The following CTNNAL1 variants were observed in gnomAD, a reference collection of about 807,000 sequenced individuals.
The protein encoded by CTNNAL1 is alpha-catulin.
CTNNAL1 carries 69 observed loss-of-function variants against 93.6 expected under a neutral mutation model. The observed-to-expected ratio is 0.74, with a 90% CI of 0.61 to 0.90. CTNNAL1 has a LOEUF of 0.90. Among genes scored for constraint, CTNNAL1 ranks in the 40% least tolerant of loss-of-function variants. The pLI, the probability that CTNNAL1 is intolerant of heterozygous loss-of-function variation, is 0.00. For synonymous variants in CTNNAL1, 286 were observed against 305.4 expected (o/e 0.94, Z 0.66); for missense variants, 836 against 862.0 (o/e 0.97, Z 0.38).
chr9:108,983,777 C>A (rs1332433930), intron 5 of CTNNAL1, among the ~76,000 whole-genome samples: 1 of 152,190 alleles, frequency 6.6e-6, no homozygotes, highest in Non-Finnish European at 1.5e-5. Context: ...TGTGGCTTCA[C>A]TGATTCTAGC....
chr9:108,991,619 G>A (rs1358069027), intron 3 of CTNNAL1, among the ~76,000 whole-genome samples: 1 of 152,030 alleles, frequency 6.6e-6, no homozygotes, highest in African/African-American at 2.4e-5. Flanking sequence ...AATCTGCCCT[G>A]GCAGCTCAGG....
At chr9:108,955,694 A>T in intron 12 of CTNNAL1, 96 bp downstream of exon 12, 1 of 1,074,994 alleles carries the variant, frequency 9.3e-7, no homozygotes. Flanking sequence ...TGTCATGTCA[A>T]TTATTTGTGG....
intron 8 of CTNNAL1, 31 bp from the exon 9 acceptor site, chr9:108,972,864 G>GGGGGGGGGGGGGGGGGGGGGGCCCCCCCC: frequency 7.0e-6 from 1 of 142,586 alleles, no homozygotes; most frequent in Non-Finnish European, 1.0e-5. Flanking sequence ...GGGGGGGTGG[G>GGGGGGGGGGGGGGGGGGGGGGCCCCCCCC]AGGGTGGAGA....
chr9:108,979,047 T>C (rs1404097192), intron 7 of CTNNAL1, among the ~76,000 whole-genome samples: 1 of 152,132 alleles, frequency 6.6e-6, no homozygotes, highest in Non-Finnish European at 1.5e-5. Context: ...CAGAGGCATA[T>C]AATTGAGACT....
intron 11 of CTNNAL1, among the ~76,000 whole-genome samples, chr9:108,960,704 G>A (rs1004781891): frequency 3.3e-5 from 5 of 152,172 alleles, no homozygotes; most frequent in East Asian, 3.9e-4. Flanking sequence ...GATAGAGACC[G>A]CAAGCTCTGA....
In CTNNAL1 at chr9:108,948,228, C is replaced by T. The variant is rs547732507; in HGVS notation, c.1842G>A (p.Glu614=). The T allele has an allele frequency of 2.3e-5, 37 of 1,611,324 alleles. 2 individuals are homozygous for T. The South Asian group carries it at 3.8e-4, about 16-fold the overall frequency. ...AATCCTGGGAAGTTTTCAGTGGCCC[C>T]TCTCCTCTAAAATAAAATTAATTGT... ...AYSLYLFTRG[E]GPLKTSQDLI... The change falls in exon 15 of 19, where the codon GAG becomes GAA. Residue 614 remains glutamate, a synonymous_variant. Transcript: ENST00000325551.
intron 1 of CTNNAL1, among the ~76,000 whole-genome samples, chr9:108,999,860 T>C (rs183948946): frequency 8.5e-5 from 13 of 152,264 alleles, no homozygotes; most frequent in African/African-American, 3.1e-4. Context: ...TGAAATAAAA[T>C]ACAAAAGGTG....
chr9:108,983,167 A>G lies in CTNNAL1; in HGVS notation c.878T>C (p.Phe293Ser), dbSNP rs1319293001. The change falls in exon 6 of 19, where the codon TTT (phenylalanine) becomes TCT (serine). Residue 293 changes from phenylalanine (F) to serine (S), a missense_variant. Physicochemically the swap from Phe to Ser is radical, Grantham distance 155 (BLOSUM62 -2). Transcript: ENST00000325551. ...GETDISSISI[F>S]TGIKEFKMNI... Reference sequence around the variant, plus strand: ...TACCTTGAATTCCTTAATTCCAGTAAAAATACTGATAGATGAAATGTCAGT... The same window carrying G: ...TACCTTGAATTCCTTAATTCCAGTAGAAATACTGATAGATGAAATGTCAGT... 2 of 1,554,846 alleles carry G rather than the reference A, an allele frequency of 1.3e-6. No homozygotes were observed. Among genetic ancestry groups the G allele is most frequent in the Non-Finnish European group, 1.7e-6 (2 of 1,152,428 alleles).
At chr9:108,956,917 CACTT>C (rs938987961) in intron 11 of CTNNAL1, among the ~76,000 whole-genome samples, 3 of 151,556 alleles carry the variant, frequency 2.0e-5, no homozygotes, top group Admixed American at 6.6e-5. Flanking sequence ...GTGTATTAAA[CACTT>C]ACAAGTGTTT....
At chr9:108,959,526 A>G (rs1212474721) in intron 11 of CTNNAL1, among the ~76,000 whole-genome samples, 1 of 151,538 alleles carries the variant, frequency 6.6e-6, no homozygotes, top group Non-Finnish European at 1.5e-5. Context: ...GCAGTAAGCT[A>G]TGATCACACC....
At chr9:108,984,547 TGAA>T in intron 4 of CTNNAL1, 111 bp from the exon 5 acceptor site, 1 of 435,144 alleles carries the variant, frequency 2.3e-6, no homozygotes, top group South Asian at 4.9e-5. Context: ...CATTGTTAAG[TGAA>T]AAAAAAAAAA....
chr9:108,997,649 C>T (rs574206584), intron 2 of CTNNAL1, among the ~76,000 whole-genome samples: 1 of 152,148 alleles, frequency 6.6e-6, no homozygotes, highest in African/African-American at 2.4e-5. Context: ...CCTGCTCCTC[C>T]CTCAGAGTTC....
chr9:108,952,304 G>T lies in CTNNAL1; in HGVS notation c.1740C>A (p.Asp580Glu). Reference sequence around the variant, plus strand: ...GATCTTCCCACTTCTCAATTTCGCAGTCAGCGTCAGAGGTGAGCAAACCCA... The same window carrying T: ...GATCTTCCCACTTCTCAATTTCGCATTCAGCGTCAGAGGTGAGCAAACCCA... ...LKLGLLTSDA[D>E]CEIEKWEDQE... Residue 580 changes from aspartate (D) to glutamate (E), a missense_variant, in exon 14 of 19, where the codon GAC (aspartate) becomes GAA (glutamate). Asp to Glu is a conservative substitution (Grantham distance 45, BLOSUM62 2). Transcript: ENST00000325551. 2 of 1,614,170 alleles carry T rather than the reference G, an allele frequency of 1.2e-6. No individual in the cohort carries two copies. The highest frequency in any genetic ancestry group is 1.7e-6 in the Non-Finnish European group (2 of 1,180,040).
chr9:108,951,451 T>C (rs1000698872), intron 14 of CTNNAL1, among the ~76,000 whole-genome samples: 1 of 152,066 alleles, frequency 6.6e-6, no homozygotes, highest in Admixed American at 6.5e-5. Flanking sequence ...AAAATCAGAA[T>C]GAGTAGGACA....
chr9:108,997,765 A>C (rs1287859766), intron 2 of CTNNAL1, among the ~76,000 whole-genome samples: 2 of 152,090 alleles, frequency 1.3e-5, no homozygotes, highest in Admixed American at 6.6e-5. Context: ...CAATCCTATC[A>C]GCTCCACCCT....
intron 12 of CTNNAL1, 54 bp downstream of exon 12, chr9:108,955,736 T>A: frequency 6.9e-7 from 1 of 1,456,384 alleles, no homozygotes. Context: ...AACAAGAGCA[T>A]AATTTGAATT....
intron 2 of CTNNAL1, among the ~76,000 whole-genome samples, chr9:108,994,367 TAAG>T (rs977565901): frequency 1.9e-4 from 29 of 152,146 alleles, no homozygotes; most frequent in Admixed American, 8.5e-4. Flanking sequence ...ATAGGAACAT[TAAG>T]AAGATGATTT....
Position 108,983,234 on chromosome 9 carries a change from T to C in CTNNAL1, c.811A>G (p.Lys271Glu), listed in dbSNP as rs534042239. 68 of 1,597,900 alleles carry C rather than the reference T, an allele frequency of 4.3e-5. No individual in the cohort carries two copies. The African/African-American group carries it at 7.1e-4, about 17-fold the overall frequency. Reference protein sequence around the residue: ...VFDRMKVALDKVIEIVTDCKP... With the variant: ...VFDRMKVALDEVIEIVTDCKP... ...CAGTCAGTCACAATTTCAATGACCT[T>C]ATCCAATGCCACTTTCATACGGTCA... The change falls in exon 6 of 19, where the codon AAG becomes GAG. Residue 271 changes from lysine (K) to glutamate (E), a missense_variant. Coordinates refer to ENST00000325551, the MANE Select transcript of CTNNAL1 (RefSeq NM_003798.4).
In CTNNAL1 at chr9:108,955,806, G is replaced by T; in HGVS notation, c.1613C>A (p.Ser538Ter). Residue 538 changes from serine to a stop codon, truncating the protein, a stop_gained, in exon 12 of 19, where the codon TCA becomes TAA. Transcript: ENST00000325551. LOFTEE classifies it high-confidence loss of function. ...GRRGEKYGYL[S>*]LPKPMKNNAN... is the part of the protein sequence containing the mutation. ...TCTACTTACCATTGGCTTTGGAAGTGAAAGGTAGCCATACTTCTCTCCTAC... is the reference window on the plus strand; with the variant it reads ...TCTACTTACCATTGGCTTTGGAAGTTAAAGGTAGCCATACTTCTCTCCTAC... 2 of 1,601,398 alleles carry T rather than the reference G, an allele frequency of 1.2e-6. No homozygotes were observed. Among genetic ancestry groups the T allele is most frequent in the Non-Finnish European group, 1.7e-6 (2 of 1,174,090 alleles).
Sources: allele counts gnomAD v4.1 joint callset (sites outside exome capture counted in the v4.1 genomes callset), GRCh38; gene constraint gnomAD v4.1.1; transcripts MANE v1.5; gene names NCBI Gene and HGNC (gene_info 2026-07-23, HGNC 2026-07-21).